RPF1: variants seen among roughly 807,000 people sequenced by gnomAD.
The protein encoded by RPF1 is ribosome production factor 1 homolog.
In RPF1, 34 loss-of-function variants were observed where a neutral mutation model predicts 41.9. That is an observed-to-expected ratio of 0.81 (90% confidence interval 0.62 to 1.08). The LOEUF is 1.08. RPF1 is among the 50% of genes least tolerant of loss of function. The probability of loss-of-function intolerance (pLI) is 0.00; values close to 1 mark genes in which losing one functional copy is unlikely to be tolerated. For synonymous variants in RPF1, 140 were observed against 148.9 expected (o/e 0.94, Z 0.43); for missense variants, 425 against 435.2 (o/e 0.98, Z 0.21).
intron 2 of RPF1, among the ~76,000 whole-genome samples, chr1:84,482,322 A>T (rs905605415): frequency 6.6e-6 from 1 of 152,194 alleles, no homozygotes; most frequent in Non-Finnish European, 1.5e-5. Flanking sequence ...ACAGTATTCC[A>T]TAATGTTGAT....
chr1:84,497,564 T>G lies in RPF1; in HGVS notation c.*94T>G, dbSNP rs574792859. Reference sequence around the variant, plus strand: ...CAGAATACTCTTTTCAAAATGGCATTTGCTGATTTCATAAACCTTTCACGT... The same window carrying G: ...CAGAATACTCTTTTCAAAATGGCATGTGCTGATTTCATAAACCTTTCACGT... On this transcript the variant is annotated 3_prime_UTR_variant, in exon 9 of 9. Coordinates refer to ENST00000370654, the MANE Select transcript of RPF1 (RefSeq NM_025065.7). 3 of 926,392 alleles carry G rather than the reference T, an allele frequency of 3.2e-6. No homozygotes were observed. Among genetic ancestry groups the G allele is most frequent in the Non-Finnish European group, 3.3e-6 (2 of 614,198 alleles). 57.4% of individuals were successfully genotyped at this position (926,392 alleles called of 1,614,324 possible).
chr1:84,480,742 G>A (rs750191514), intron 1 of RPF1, among the ~76,000 whole-genome samples: 12 of 152,162 alleles, frequency 7.9e-5, no homozygotes, highest in Non-Finnish European at 1.2e-4. Context: ...TTTTAAAGGA[G>A]CAGGTCTTTG....
intron 3 of RPF1, 48 bp from the exon 4 acceptor site, chr1:84,489,585 A>G (rs753117298): frequency 3.7e-5 from 38 of 1,026,358 alleles, no homozygotes; most frequent in Non-Finnish European, 5.4e-5. Flanking sequence ...ATTCTGGCCC[A>G]GTAGAGTATT....
chr1:84,494,483 T>C (rs1681894004), intron 5 of RPF1, among the ~76,000 whole-genome samples: 1 of 152,224 alleles, frequency 6.6e-6, no homozygotes, highest in South Asian at 2.1e-4. Context: ...TCTCCTAAAC[T>C]AGAAAAGCAT....
intron 3 of RPF1, among the ~76,000 whole-genome samples, chr1:84,488,577 T>C (rs1009972942): frequency 6.6e-6 from 1 of 152,130 alleles, no homozygotes; most frequent in African/African-American, 2.4e-5. Context: ...CTAGAACTTC[T>C]AGCCTAATGT....
chr1:84,480,970 T>G lies in RPF1; in HGVS notation c.243T>G (p.Ala81=). 1 of 1,588,716 alleles carries G rather than the reference T, an allele frequency of 6.3e-7. No homozygotes were observed. Among genetic ancestry groups the G allele is most frequent in the East Asian group, 2.2e-5 (1 of 44,584 alleles). Residue 81 remains alanine, a synonymous_variant, in exon 2 of 9, where the codon GCT becomes GCG. Coordinates refer to ENST00000370654, the MANE Select transcript of RPF1 (RefSeq NM_025065.7). ...KQQQRKEKLA[A]KKKLKKEREA... ...TAACCCTTTAGGAAAAGTTGGCAGC[T>G]AAGAAAAAACTTAAAAAAGAAAGAG...
intron 2 of RPF1, among the ~76,000 whole-genome samples, chr1:84,481,684 T>A (rs569570361): frequency 3.3e-5 from 5 of 152,298 alleles, no homozygotes; most frequent in Non-Finnish European, 4.4e-5. Flanking sequence ...ATTGAAAAAA[T>A]TTTTTAAACT....
intron 5 of RPF1, 28 bp from the exon 6 acceptor site, chr1:84,495,345 A>G (rs776954807): frequency 6.1e-6 from 6 of 988,720 alleles, no homozygotes; most frequent in Non-Finnish European, 9.5e-6. Context: ...ACAGAGTTCA[A>G]TGTGTTTTTC....
rs769735979 is a variant in RPF1, at chr1:84,482,897, C to T, written c.286-18C>T. On this transcript the variant is annotated intron_variant, in intron 2 of 8. Transcript: ENST00000370654. ...ATGTAAAATCCTTCTAAAATGTAAT[C>T]CCTTCTCTTTTACTTAGGCTCCACC... is the stretch of plus-strand genomic sequence containing the variant. 2.2e-5 allele frequency: 33 copies of T among 1,512,514 alleles called. No homozygotes were observed. The East Asian group carries it at 6.5e-4, about 30-fold the overall frequency. The allele number at this position is 1,512,514 out of a possible 1,614,324, so 93.7% of individuals were successfully genotyped here. A position where few individuals can be genotyped will look rare whatever the true frequency, so the allele number is the denominator to read the frequency against.
intron 2 of RPF1, 100 bp from the exon 3 acceptor site, chr1:84,482,815 T>A: frequency 1.5e-6 from 1 of 682,986 alleles, no homozygotes; most frequent in Non-Finnish European, 2.6e-6. Context: ...GAGGAACAGA[T>A]TGAGTTTGGG....
intron 2 of RPF1, among the ~76,000 whole-genome samples, chr1:84,482,611 T>TC (rs2101882173): frequency 6.6e-6 from 1 of 152,206 alleles, no homozygotes; most frequent in East Asian, 1.9e-4. Flanking sequence ...TTGATGTGTT[T>TC]CCCCCTAGTA....
At chr1:84,483,701 C>A (rs1681691274) in intron 3 of RPF1, among the ~76,000 whole-genome samples, 1 of 152,158 alleles carries the variant, frequency 6.6e-6, no homozygotes, top group African/African-American at 2.4e-5. Context: ...TTTCACTTTG[C>A]ATATTCTCCT....
rs771851148 is a variant in RPF1 at position 84,497,424 on chromosome 1, T to C, written c.1009-5T>C. The C allele has an allele frequency of 3.1e-6, 5 of 1,610,458 alleles. No individual in the cohort carries two copies. Among genetic ancestry groups the C allele is most frequent in the South Asian group, 1.1e-5 (1 of 90,618 alleles). ...TTCCTCCACTCCCTTGCTTTCCACT[T>C]TCAGCCCCGGGAAATGGATACAAGT... On this transcript the variant is annotated splice_polypyrimidine_tract_variant and splice_region_variant and intron_variant, in intron 8 of 8. Transcript: ENST00000370654.
At position 84,497,546 on chromosome 1, in the gene RPF1, C is replaced by G; in HGVS notation, c.*76C>G. On this transcript the variant is annotated 3_prime_UTR_variant, in exon 9 of 9. Coordinates refer to ENST00000370654, the MANE Select transcript of RPF1 (RefSeq NM_025065.7). ...TTGGTAAATTATTTTTGACAGAATA[C>G]TCTTTTCAAAATGGCATTTGCTGAT... The G allele has an allele frequency of 8.9e-7, 1 of 1,124,528 alleles. No homozygotes were observed. The highest frequency in any genetic ancestry group is 2.3e-5 in the Admixed American group (1 of 43,246). 69.7% of individuals were successfully genotyped at this position (1,124,528 alleles called of 1,614,324 possible).
intron 5 of RPF1, among the ~76,000 whole-genome samples, chr1:84,493,241 G>A (rs1249090940): frequency 7.3e-5 from 11 of 149,706 alleles, no homozygotes; most frequent in African/African-American, 2.5e-4. Flanking sequence ...ACTTTTGGCT[G>A]TATTTCATGA....
intron 5 of RPF1, among the ~76,000 whole-genome samples, chr1:84,493,626 C>G (rs1270608022): frequency 2.6e-5 from 4 of 151,908 alleles, no homozygotes; most frequent in South Asian, 2.1e-4. Flanking sequence ...CCATCCCTAC[C>G]TAAGTTTTAA....
intron 5 of RPF1, among the ~76,000 whole-genome samples, chr1:84,493,332 C>CA (rs376130673): frequency 0.22 from 23,055 of 103,900 alleles, 2,154 homozygotes; most frequent in South Asian, 0.34. Context: ...GCACTACTAT[C>CA]AAAAAAAAAA....
intron 3 of RPF1, among the ~76,000 whole-genome samples, chr1:84,484,814 T>C (rs762445391): frequency 6.6e-6 from 1 of 151,384 alleles, no homozygotes; most frequent in Non-Finnish European, 1.5e-5. Context: ...GCCTCCCAAG[T>C]AGCTAGGATT....
chr1:84,490,169 G>A, intron 4 of RPF1, 150 bp from the exon 5 acceptor site: 1 of 550,014 alleles, frequency 1.8e-6, no homozygotes, highest in Non-Finnish European at 3.1e-6. Context: ...TTTGATAAAA[G>A]AGGACACACT....
Sources: allele counts gnomAD v4.1 joint callset (sites outside exome capture counted in the v4.1 genomes callset), GRCh38; gene constraint gnomAD v4.1.1; transcripts MANE v1.5; gene names NCBI Gene and HGNC (gene_info 2026-07-23, HGNC 2026-07-21).